The following SLC35F1 variants were observed in gnomAD, a reference collection of about 807,000 sequenced individuals.
The protein encoded by SLC35F1 is solute carrier family 35 member F1.
In SLC35F1, 14 loss-of-function variants were observed where a neutral mutation model predicts 48.7. The ratio of observed to expected loss-of-function variants is 0.29; its 90% CI spans 0.19 to 0.45. SLC35F1 has a LOEUF of 0.45. SLC35F1 is among the 20% of genes least tolerant of loss of function. The pLI is 1.00. For synonymous variants in SLC35F1, 190 were observed against 202.2 expected, an observed-to-expected ratio of 0.94 and a Z score of 0.51; for missense variants, 404 against 500.0, an observed-to-expected ratio of 0.81 and a Z score of 1.83.
intron 1 of SLC35F1, among the ~76,000 whole-genome samples, chr6:118,133,398 C>T (rs1773745769): frequency 6.6e-6 from 1 of 152,100 alleles, no homozygotes; most frequent in Admixed American, 6.5e-5. Flanking sequence ...AAAAAAAAGT[C>T]CTTTCTTCCC....
intron 4 of SLC35F1, among the ~76,000 whole-genome samples, chr6:118,268,776 AT>A (rs1399083728): frequency 1.3e-5 from 2 of 151,354 alleles, no homozygotes; most frequent in African/African-American, 2.4e-5. Context: ...CACCCAGCTA[AT>A]TTTTGTATTT....
intron 2 of SLC35F1, among the ~76,000 whole-genome samples, chr6:118,229,562 C>G (rs1030194605): frequency 1.3e-5 from 2 of 152,130 alleles, no homozygotes; most frequent in Non-Finnish European, 2.9e-5. Flanking sequence ...ATCAGCAAGG[C>G]AAAAGAAAAT....
intron 1 of SLC35F1, among the ~76,000 whole-genome samples, chr6:118,003,247 T>C (rs1562261552): frequency 6.6e-6 from 1 of 152,256 alleles, no homozygotes; most frequent in Non-Finnish European, 1.5e-5. Context: ...TCCTCATGTG[T>C]ACAGGCTTAG....
At chr6:118,300,526 T>C (rs934676424) in intron 7 of SLC35F1, among the ~76,000 whole-genome samples, 1 of 152,220 alleles carries the variant, frequency 6.6e-6, no homozygotes, top group East Asian at 1.9e-4. Context: ...AAAGTTATTT[T>C]CAGTTTGAAA....
intron 1 of SLC35F1, among the ~76,000 whole-genome samples, chr6:118,054,289 T>C (rs1465929957): frequency 6.6e-6 from 1 of 152,148 alleles, no homozygotes; most frequent in Non-Finnish European, 1.5e-5. Context: ...GGAACAGAAT[T>C]TATTTGGCTG....
At chr6:118,231,914 AAGGTAC>A (rs1775297338) in intron 2 of SLC35F1, among the ~76,000 whole-genome samples, 1 of 152,202 alleles carries the variant, frequency 6.6e-6, no homozygotes, top group East Asian at 1.9e-4. Flanking sequence ...TTTTATGTCC[AAGGTAC>A]AGTGTATTAT....
chr6:117,920,322 G>T (rs1021070074), intron 1 of SLC35F1, among the ~76,000 whole-genome samples: 3 of 152,210 alleles, frequency 2.0e-5, no homozygotes, highest in African/African-American at 7.2e-5. Flanking sequence ...CGAGTGTTCC[G>T]CGGGGTGTGT....
chr6:118,216,413 G>A (rs1775073198), intron 2 of SLC35F1, among the ~76,000 whole-genome samples: 1 of 149,140 alleles, frequency 6.7e-6, no homozygotes. Flanking sequence ...CTACTAAAAT[G>A]TTGTGTGGGA....
intron 7 of SLC35F1, among the ~76,000 whole-genome samples, chr6:118,310,312 T>A (rs1012359024): frequency 6.6e-6 from 1 of 152,266 alleles, no homozygotes; most frequent in South Asian, 2.1e-4. Flanking sequence ...ATGTCTTTCC[T>A]TGGGGAGATA....
intron 1 of SLC35F1, among the ~76,000 whole-genome samples, chr6:118,131,749 CAAAG>C (rs1346932508): frequency 6.9e-6 from 1 of 145,396 alleles, no homozygotes; most frequent in Non-Finnish European, 1.5e-5. Context: ...TTCTGGCATT[CAAAG>C]ATAGGTGAAT....
chr6:118,310,202 C>A (rs1776357227), intron 7 of SLC35F1, among the ~76,000 whole-genome samples: 1 of 152,196 alleles, frequency 6.6e-6, no homozygotes, highest in African/African-American at 2.4e-5. Flanking sequence ...CAAGCAGCCC[C>A]TGCTCTCCAA....
At chr6:118,236,607 T>G (rs1349169170) in intron 3 of SLC35F1, among the ~76,000 whole-genome samples, 3 of 152,228 alleles carry the variant, frequency 2.0e-5, no homozygotes, top group African/African-American at 7.2e-5. Flanking sequence ...CATCTGATTT[T>G]CATATGAACT....
chr6:118,049,292 A>T (rs928762455), intron 1 of SLC35F1, among the ~76,000 whole-genome samples: 2 of 152,180 alleles, frequency 1.3e-5, no homozygotes, highest in African/African-American at 4.8e-5. Context: ...ACCATTCAGG[A>T]CATAGGCATG....
intron 7 of SLC35F1, among the ~76,000 whole-genome samples, chr6:118,293,974 T>C (rs1038485518): frequency 2.0e-5 from 3 of 152,198 alleles, no homozygotes; most frequent in African/African-American, 7.2e-5. Flanking sequence ...TGCTTTAAGT[T>C]ATTTGGGCCA....
At chr6:118,211,495 A>G (rs1775000412) in intron 2 of SLC35F1, among the ~76,000 whole-genome samples, 1 of 152,244 alleles carries the variant, frequency 6.6e-6, no homozygotes, top group South Asian at 2.1e-4. Context: ...TAGACCCTCA[A>G]TAAATATATG....
chr6:117,929,453 ATGTGTGTGTGTGTG>A (rs143634465), intron 1 of SLC35F1, among the ~76,000 whole-genome samples: 6 of 146,090 alleles, frequency 4.1e-5, no homozygotes, highest in Non-Finnish European at 6.0e-5. Flanking sequence ...GTATGTATTT[ATGTGTGTGTGTGTG>A]TGTGTGTGTG....
At chr6:118,028,033 A>G (rs945911809) in intron 1 of SLC35F1, among the ~76,000 whole-genome samples, 1 of 152,064 alleles carries the variant, frequency 6.6e-6, no homozygotes. Context: ...TTTTAAGTTA[A>G]TTTTGTTTAA....
chr6:117,944,103 A>G (rs1776265299), intron 1 of SLC35F1, among the ~76,000 whole-genome samples: 2 of 152,236 alleles, frequency 1.3e-5, no homozygotes, highest in Admixed American at 6.5e-5. Context: ...TGGCCATGAT[A>G]TGATAATTTT....
intron 2 of SLC35F1, among the ~76,000 whole-genome samples, chr6:118,194,635 G>C (rs1774776539): frequency 6.6e-6 from 1 of 152,128 alleles, no homozygotes; most frequent in Non-Finnish European, 1.5e-5. Context: ...AAATACACCA[G>C]ATTTGCTACA....
Sources: gnomAD v4.1 joint callset for allele counts (sites outside exome capture counted in the v4.1 genomes callset) on GRCh38, gnomAD v4.1.1 for gene constraint, MANE v1.5 for transcripts, NCBI Gene and HGNC (gene_info 2026-07-23, HGNC 2026-07-21) for gene names.